Variants in BAZ2B observed in about 807,000 individuals in gnomAD.
BAZ2B encodes the protein bromodomain adjacent to zinc finger domain 2B, also known as bromodomain adjacent to zinc finger domain protein 2B.
A neutral mutation model predicts 246.0 loss-of-function variants in BAZ2B; 91 were observed. The observed-to-expected ratio is 0.37, with a 90% confidence interval of 0.31 to 0.44. The LOEUF (loss-of-function observed/expected upper bound fraction) is 0.44. Ranked by LOEUF, BAZ2B falls within the 20% of genes least tolerant of loss-of-function variation. BAZ2B has a pLI of 1.00. For synonymous variants in BAZ2B, 855 were observed against 860.0 expected (o/e 0.99, Z 0.10); for missense variants, 2,332 against 2,533.7 (o/e 0.92, Z 1.71).
At chr2:159,699,321 T>C in the BAZ2B span, among the ~76,000 whole-genome samples, 13 of 152,060 alleles carry the variant, frequency 8.5e-5, no homozygotes, top group Non-Finnish European at 1.6e-4. Flanking sequence ...GATGAGAGGA[T>C]TGCTTTAGGC....
At chr2:159,371,067 C>T (rs551096107) in intron 27 of BAZ2B, among the ~76,000 whole-genome samples, 35 of 152,222 alleles carry the variant, frequency 2.3e-4, no homozygotes, top group Non-Finnish European at 4.6e-4. Context: ...GTTGACCTCA[C>T]AAAGTGCTGG....
chr2:159,390,308 CTTTTCTAATCTTACCTCTCATATT>C (rs1234729525), intron 20 of BAZ2B, among the ~76,000 whole-genome samples: 2 of 152,080 alleles, frequency 1.3e-5, no homozygotes, highest in Non-Finnish European at 2.9e-5. Flanking sequence ...CCAGACTCTT[CTTTTCTAATCTTACCTCTCATATT>C]TTTTTCTGTG....
the BAZ2B span, among the ~76,000 whole-genome samples, chr2:159,679,287 A>AACC: frequency 2.1e-5 from 3 of 139,910 alleles, no homozygotes; most frequent in Non-Finnish European, 3.1e-5. Context: ...AAAAAAAAAA[A>AACC]AAAAAAAGAT....
At chr2:159,646,349 G>A in the BAZ2B span, among the ~76,000 whole-genome samples, 3 of 152,272 alleles carry the variant, frequency 2.0e-5, no homozygotes, top group Admixed American at 6.5e-5. Context: ...CTGTTATCCT[G>A]TTCTTTTTTC....
At chr2:159,507,952 AC>A (rs2082503629) in intron 2 of BAZ2B, among the ~76,000 whole-genome samples, 1 of 152,000 alleles carries the variant, frequency 6.6e-6, no homozygotes, top group East Asian at 1.9e-4. Context: ...GCTTGCCACA[AC>A]CTCCACCTCC....
At chr2:159,552,523 G>T (rs1035351285) in intron 2 of BAZ2B, among the ~76,000 whole-genome samples, 3 of 152,112 alleles carry the variant, frequency 2.0e-5, no homozygotes, top group Non-Finnish European at 4.4e-5. Flanking sequence ...TCGTTTTATA[G>T]GTGAAGATAC....
intron 1 of BAZ2B, among the ~76,000 whole-genome samples, chr2:159,576,411 C>G (rs1685301393): frequency 6.7e-6 from 1 of 150,104 alleles, no homozygotes; most frequent in Non-Finnish European, 1.5e-5. Flanking sequence ...TAAAAACGAA[C>G]AAATAAATAA....
intron 2 of BAZ2B, among the ~76,000 whole-genome samples, chr2:159,553,166 G>A (rs988758474): frequency 4.6e-5 from 7 of 151,836 alleles, no homozygotes; most frequent in Admixed American, 6.6e-5. Flanking sequence ...AGGCCAAGGC[G>A]GGTAGATCAC....
chr2:159,346,651 C>T lies in BAZ2B; in HGVS notation c.5454+835G>A, dbSNP rs111784346. ...TTGCAGTAAGCCAAGATCACACCAC[C>T]GTACTCCAGCCTGGGTGACAGCGTG... On this transcript the variant is annotated intron_variant, in intron 31 of 36. Transcript: ENST00000392783. Among the ~76,000 whole-genome samples the T allele has an allele frequency of 7.8e-3, 1,187 of 152,108 alleles. 7 individuals are homozygous for T. The highest frequency in any genetic ancestry group is 0.027 in the African/African-American group (1,113 of 41,508).
At chr2:159,628,234 G>A in the BAZ2B span, among the ~76,000 whole-genome samples, 1 of 152,136 alleles carries the variant, frequency 6.6e-6, no homozygotes, top group Admixed American at 6.5e-5. Context: ...TGTGAAAATG[G>A]CCATACTGCC....
intron 1 of BAZ2B, among the ~76,000 whole-genome samples, chr2:159,564,018 G>A (rs150928422): frequency 1.8e-3 from 268 of 152,262 alleles, no homozygotes; most frequent in African/African-American, 6.2e-3. Context: ...CAAAGTCTCC[G>A]CTTCATAGAA....
chr2:159,560,809 G>C (rs2089774352), intron 1 of BAZ2B, among the ~76,000 whole-genome samples: 1 of 152,044 alleles, frequency 6.6e-6, no homozygotes, highest in South Asian at 2.1e-4. Flanking sequence ...TTACAGGCAT[G>C]AGCCACCGCA....
At chr2:159,437,568 A>C (rs2072609804) in intron 8 of BAZ2B, 1 of 152,118 alleles carries the variant, frequency 6.6e-6, no homozygotes, top group Admixed American at 6.6e-5. Flanking sequence ...TTACACTTAA[A>C]ATGTGTACAT....
intron 1 of BAZ2B, among the ~76,000 whole-genome samples, chr2:159,568,661 A>G (rs1683210604): frequency 6.6e-6 from 1 of 152,148 alleles, no homozygotes; most frequent in Admixed American, 6.5e-5. Flanking sequence ...CAGTGCCTGA[A>G]TTACTCTGGA....
At chr2:159,705,480 G>A in the BAZ2B span, among the ~76,000 whole-genome samples, 4 of 152,290 alleles carry the variant, frequency 2.6e-5, no homozygotes, top group East Asian at 7.7e-4. Context: ...AGAAAACCCA[G>A]AAATATATTC....
At chr2:159,431,886 T>C (rs2071186676) in intron 9 of BAZ2B, among the ~76,000 whole-genome samples, 1 of 152,188 alleles carries the variant, frequency 6.6e-6, no homozygotes, top group East Asian at 1.9e-4. Flanking sequence ...TGGTTTGTGT[T>C]ATACCATTTG....
intron 26 of BAZ2B, among the ~76,000 whole-genome samples, chr2:159,374,140 G>A (rs2061163640): frequency 6.7e-6 from 1 of 148,654 alleles, no homozygotes. Flanking sequence ...AAACTCCTGG[G>A]CTCAAACGAT....
the BAZ2B span, among the ~76,000 whole-genome samples, chr2:159,649,641 CTT>C: frequency 6.6e-6 from 1 of 152,084 alleles, no homozygotes. Context: ...AAGATTTTCT[CTT>C]ATTACTATTT....
chr2:159,438,840 G>A (rs2072886325), intron 7 of BAZ2B, 145 bp from the exon 8 acceptor site: 4 of 1,240,378 alleles, frequency 3.2e-6, no homozygotes, highest in African/African-American at 1.5e-5. Flanking sequence ...ATTCGTAAAA[G>A]AAATACCGTA....
Sources: allele counts gnomAD v4.1 joint callset (sites outside exome capture counted in the v4.1 genomes callset), GRCh38; gene constraint gnomAD v4.1.1; transcripts MANE v1.5; gene names NCBI Gene and HGNC (gene_info 2026-07-23, HGNC 2026-07-21).